STAG1: variants seen among roughly 807,000 people sequenced by gnomAD.
STAG1 encodes cohesin subunit SA-1.
Under a neutral mutation model 170.9 loss-of-function variants are expected in STAG1, and 26 were observed. The ratio of observed to expected loss-of-function variants is 0.15; its 90% CI spans 0.11 to 0.21. The LOEUF (loss-of-function observed/expected upper bound fraction) is 0.21, where lower values mean the gene tolerates loss of function less well. Among genes scored for constraint, STAG1 ranks in the 10% least tolerant of loss-of-function variants. The pLI is 1.00. For synonymous variants in STAG1, 514 were observed against 497.7 expected, an observed-to-expected ratio of 1.03 and a Z score of -0.44; for missense variants, 964 against 1,509.5, an observed-to-expected ratio of 0.64 and a Z score of 5.99.
At position 136,471,274 on chromosome 3, in the gene STAG1, T is replaced by C. The variant is rs529852242; in HGVS notation, c.1205+1139A>G. ...CCAGCATTTTCATGCATAAGTGATA[T>C]AACATAGCAAAGTACTTTAAACTCT... On this transcript the variant is annotated intron_variant, in intron 12 of 33. Transcript: ENST00000383202. Among the ~76,000 whole-genome samples, 6 of 152,282 alleles carry C rather than the reference T, an allele frequency of 3.9e-5. No individual in the cohort carries two copies. The East Asian group carries it at 7.7e-4, about 20-fold the overall frequency.
intron 3 of STAG1, among the ~76,000 whole-genome samples, chr3:136,618,134 TACCTGCTCCACCCTGACTCATTCCAATC>T (rs1262440443): frequency 3.9e-5 from 6 of 152,184 alleles, no homozygotes; most frequent in East Asian, 1.9e-4. Context: ...CTTTTCCAAT[TACCTGCTCCACCCTGACTCATTCCAATC>T]ACCTGCTCCA....
At chr3:136,350,206 A>G (rs574895542) in intron 28 of STAG1, among the ~76,000 whole-genome samples, 1 of 152,184 alleles carries the variant, frequency 6.6e-6, no homozygotes, top group African/African-American at 2.4e-5. Flanking sequence ...TTTGATCCAC[A>G]ACCTGTTCCC....
At chr3:136,748,799 C>G (rs1434565228) in intron 1 of STAG1, among the ~76,000 whole-genome samples, 1 of 152,166 alleles carries the variant, frequency 6.6e-6, no homozygotes, top group Non-Finnish European at 1.5e-5. Context: ...CATTGCCTCC[C>G]TTCTTTATAA....
At chr3:136,491,397 G>A (rs887286473) in intron 9 of STAG1, among the ~76,000 whole-genome samples, 2 of 152,068 alleles carry the variant, frequency 1.3e-5, no homozygotes, top group African/African-American at 4.8e-5. Context: ...ACTGTGATCT[G>A]GGTAAACTCC....
At chr3:136,590,708 T>G (rs1938121106) in intron 4 of STAG1, among the ~76,000 whole-genome samples, 2 of 151,750 alleles carry the variant, frequency 1.3e-5, no homozygotes, top group African/African-American at 2.4e-5. Flanking sequence ...AATGAAGGAG[T>G]ATAAAGGTAA....
Position 136,349,378 on chromosome 3 carries a change from GA to G in STAG1, c.3066-16del. On this transcript the variant is annotated splice_polypyrimidine_tract_variant and intron_variant, in intron 28 of 33. Coordinates refer to ENST00000383202, the MANE Select transcript of STAG1 (RefSeq NM_005862.3). ...GGTATGAATGACTAGAAACACAATA[GA>G]AACAGCAGTGATTTTCAGAGAAGCA... The G allele has an allele frequency of 6.3e-7, 1 of 1,594,072 alleles. No homozygotes were observed. The highest frequency in any genetic ancestry group is 1.7e-5 in the Admixed American group (1 of 59,966).
At chr3:136,714,325 G>A (rs982787398) in intron 1 of STAG1, among the ~76,000 whole-genome samples, 3 of 152,214 alleles carry the variant, frequency 2.0e-5, no homozygotes, top group Non-Finnish European at 4.4e-5. Context: ...GCCAAGCACA[G>A]TAGCTCACAC....
At chr3:136,538,276 A>T (rs2107720771) in intron 6 of STAG1, among the ~76,000 whole-genome samples, 1 of 152,356 alleles carries the variant, frequency 6.6e-6, no homozygotes, top group Admixed American at 6.5e-5. Context: ...TACAATAAAC[A>T]AACAAGGGTA....
intron 4 of STAG1, among the ~76,000 whole-genome samples, chr3:136,600,511 T>A (rs1356109028): frequency 6.6e-6 from 1 of 152,190 alleles, no homozygotes; most frequent in Non-Finnish European, 1.5e-5. Context: ...AAATCACTGA[T>A]GTCGGCTTGT....
intron 4 of STAG1, among the ~76,000 whole-genome samples, chr3:136,573,888 G>A (rs923215969): frequency 1.3e-5 from 2 of 151,338 alleles, no homozygotes; most frequent in Non-Finnish European, 3.0e-5. Context: ...GGAGAATGGC[G>A]AGAACCTGGG....
chr3:136,477,239 G>C (rs773966190), intron 10 of STAG1, 50 bp downstream of exon 10: 33 of 1,542,718 alleles, frequency 2.1e-5, no homozygotes, highest in Admixed American at 7.9e-5. Context: ...CAGCATTTTA[G>C]TACTGAGACA....
intron 21 of STAG1, among the ~76,000 whole-genome samples, chr3:136,403,256 AAAG>A (rs1367860066): frequency 8.8e-5 from 13 of 147,630 alleles, no homozygotes; most frequent in Admixed American, 6.8e-5. Context: ...AAAAAAAAGA[AAAG>A]AAAAGAAAAA....
At chr3:136,700,586 A>G (rs1943027435) in intron 1 of STAG1, among the ~76,000 whole-genome samples, 1 of 151,486 alleles carries the variant, frequency 6.6e-6, no homozygotes, top group African/African-American at 2.4e-5. Context: ...CGCCCGGCCA[A>G]TTTTTTGTAT....
At chr3:136,439,442 A>AC (rs1491382567) in intron 15 of STAG1, among the ~76,000 whole-genome samples, 3,158 of 70,508 alleles carry the variant, frequency 0.045, 221 homozygotes, top group African/African-American at 0.15. Context: ...ACACACACAC[A>AC]AACACTGTAA....
intron 1 of STAG1, among the ~76,000 whole-genome samples, chr3:136,680,244 G>C (rs1942289424): frequency 6.6e-6 from 1 of 152,190 alleles, no homozygotes; most frequent in African/African-American, 2.4e-5. Flanking sequence ...CTGGGCATCA[G>C]AGCGAGACCC....
intron 7 of STAG1, among the ~76,000 whole-genome samples, chr3:136,511,483 C>T (rs928951046): frequency 6.6e-6 from 1 of 152,206 alleles, no homozygotes; most frequent in Non-Finnish European, 1.5e-5. Context: ...AGAACGAGAT[C>T]CTGTCTTTTG....
intron 1 of STAG1, among the ~76,000 whole-genome samples, chr3:136,691,221 G>T (rs1363808763): frequency 6.6e-6 from 1 of 151,932 alleles, no homozygotes; most frequent in Non-Finnish European, 1.5e-5. Flanking sequence ...AGATCATGAG[G>T]TCAGGAGATC....
intron 17 of STAG1, 40 bp downstream of exon 17, chr3:136,422,912 C>T (rs572376776): frequency 6.3e-7 from 1 of 1,587,256 alleles, no homozygotes; most frequent in East Asian, 2.2e-5. Flanking sequence ...ACAATGAAAG[C>T]AAACTCAGTG....
intron 4 of STAG1, among the ~76,000 whole-genome samples, chr3:136,580,796 G>C (rs1414217596): frequency 6.6e-6 from 1 of 151,646 alleles, no homozygotes; most frequent in East Asian, 1.9e-4. Flanking sequence ...GCCTCCCAAA[G>C]TGCTGGGATT....
Sources: gnomAD v4.1 joint callset for allele counts (sites outside exome capture counted in the v4.1 genomes callset) on GRCh38, gnomAD v4.1.1 for gene constraint, MANE v1.5 for transcripts, NCBI Gene and HGNC (gene_info 2026-07-23, HGNC 2026-07-21) for gene names.